The following CLIC4 variants were observed in gnomAD, a reference collection of about 807,000 sequenced individuals.
The protein encoded by CLIC4 is CLIC family member 4.
A neutral mutation model predicts 24.6 loss-of-function variants in CLIC4; 13 were observed. The ratio of observed to expected loss-of-function variants is 0.53; its 90% CI spans 0.34 to 0.84. The LOEUF is 0.84. Ranked by LOEUF, CLIC4 falls within the 40% of genes least tolerant of loss-of-function variation. CLIC4 has a pLI of 0.01. For missense variants in CLIC4, 227 were observed against 301.7 expected (o/e 0.75, Z 1.83); for synonymous variants, 104 against 111.3 (o/e 0.93, Z 0.41).
chr1:24,817,311 C>G (rs74477578), intron 3 of CLIC4, among the ~76,000 whole-genome samples: 4,501 of 151,664 alleles, frequency 0.03, 105 homozygotes, highest in Middle Eastern at 0.054. Context: ...GATAGATCAG[C>G]TAGATCTTCT....
intron 4 of CLIC4, among the ~76,000 whole-genome samples, chr1:24,839,460 C>T (rs918287233): frequency 5.9e-5 from 9 of 152,050 alleles, no homozygotes; most frequent in Non-Finnish European, 1.2e-4. Flanking sequence ...CCACCACGCC[C>T]GGCTAATTTT....
At chr1:24,835,231 G>T (rs1208469781) in intron 4 of CLIC4, among the ~76,000 whole-genome samples, 1 of 152,172 alleles carries the variant, frequency 6.6e-6, no homozygotes, top group African/African-American at 2.4e-5. Flanking sequence ...ACTTAGGTAG[G>T]TAACACATTC....
rs140114470 is a variant in CLIC4 at position 24,785,630 on chromosome 1, G to T, written c.73-12112G>T. ...GCACTTTGGGAGGCCAAGGTGGGCG[G>T]ATCATGAGGTCAGGAGTTTGAGACC... On this transcript the variant is annotated intron_variant, in intron 1 of 5. Transcript: ENST00000374379. Among the ~76,000 whole-genome samples the T allele has an allele frequency of 5.7e-4, 87 of 152,246 alleles. 2 individuals are homozygous for T. The East Asian group carries it at 0.016, about 28-fold the overall frequency.
At chr1:24,751,663 C>A (rs1316139257) in intron 1 of CLIC4, among the ~76,000 whole-genome samples, 2 of 152,060 alleles carry the variant, frequency 1.3e-5, no homozygotes, top group East Asian at 3.9e-4. Context: ...GGGGTTTCTC[C>A]ATCCAGCTTG....
intron 1 of CLIC4, among the ~76,000 whole-genome samples, chr1:24,794,322 C>G (rs1295971853): frequency 6.6e-6 from 1 of 151,420 alleles, no homozygotes; most frequent in Non-Finnish European, 1.5e-5. Flanking sequence ...GTATAGTGTT[C>G]CCTTTTCTCT....
intron 2 of CLIC4, among the ~76,000 whole-genome samples, chr1:24,813,781 C>T (rs996580387): frequency 3.3e-5 from 5 of 151,968 alleles, no homozygotes; most frequent in South Asian, 2.1e-4. Context: ...TGCAGTGGTG[C>T]GATCATGGCT....
intron 2 of CLIC4, among the ~76,000 whole-genome samples, chr1:24,808,180 A>G (rs1639573016): frequency 6.6e-6 from 1 of 152,056 alleles, no homozygotes; most frequent in Non-Finnish European, 1.5e-5. Context: ...TCCTGACCTC[A>G]GCTGATCCGC....
At chr1:24,807,898 G>A (rs1322136620) in intron 2 of CLIC4, among the ~76,000 whole-genome samples, 2 of 151,526 alleles carry the variant, frequency 1.3e-5, no homozygotes, top group African/African-American at 4.8e-5. Flanking sequence ...TTTGGAGTGA[G>A]AAAATTGTTT....
intron 3 of CLIC4, among the ~76,000 whole-genome samples, chr1:24,824,019 C>G (rs1443144617): frequency 6.6e-6 from 1 of 152,140 alleles, no homozygotes; most frequent in African/African-American, 2.4e-5. Flanking sequence ...TATTATTTGC[C>G]TCCCTTTTGC....
At chr1:24,798,791 G>A (rs941031003) in intron 2 of CLIC4, among the ~76,000 whole-genome samples, 2 of 147,172 alleles carry the variant, frequency 1.4e-5, no homozygotes, top group South Asian at 2.4e-4. Context: ...GAGTGCCTGC[G>A]ATTGCAGGCA....
chr1:24,803,164 T>C (rs1387419311), intron 2 of CLIC4, among the ~76,000 whole-genome samples: 2 of 152,242 alleles, frequency 1.3e-5, no homozygotes, highest in Non-Finnish European at 2.9e-5. Flanking sequence ...AACATCCCTG[T>C]AGTACTTTTC....
At chr1:24,817,949 TTAATCAG>T (rs1639687595) in intron 3 of CLIC4, among the ~76,000 whole-genome samples, 1 of 152,168 alleles carries the variant, frequency 6.6e-6, no homozygotes, top group African/African-American at 2.4e-5. Context: ...ACATATGATA[TTAATCAG>T]TTAAGTGTGC....
intron 4 of CLIC4, among the ~76,000 whole-genome samples, chr1:24,838,903 AGAATCATGACAATCT>A (rs1266200489): frequency 1.3e-5 from 2 of 152,228 alleles, no homozygotes; most frequent in East Asian, 1.9e-4. Flanking sequence ...CATGACAATC[AGAATCATGACAATCT>A]GAATCATGAC....
Position 24,759,554 on chromosome 1 carries a change from A to T in CLIC4, c.72+13929A>T, listed in dbSNP as rs531130858. Among the ~76,000 whole-genome samples, 7 of 152,210 alleles carry T rather than the reference A, an allele frequency of 4.6e-5. No individual in the cohort carries two copies. The South Asian group carries it at 1.5e-3, about 32-fold the overall frequency. On this transcript the variant is annotated intron_variant, in intron 1 of 5. Coordinates refer to ENST00000374379, the MANE Select transcript of CLIC4 (RefSeq NM_013943.3). ...TGATTTAAGTGGGAAATTAAATGAG[A>T]TAATTGATTTAGAGATGAGTTAAAT...
intron 1 of CLIC4, among the ~76,000 whole-genome samples, chr1:24,753,065 G>C (rs537265147): frequency 6.6e-6 from 1 of 152,286 alleles, no homozygotes; most frequent in Non-Finnish European, 1.5e-5. Flanking sequence ...AGTAGGATCA[G>C]GGAGTTCTGT....
intron 1 of CLIC4, among the ~76,000 whole-genome samples, chr1:24,760,318 A>T (rs545304385): frequency 2.3e-4 from 35 of 152,228 alleles, no homozygotes; most frequent in Non-Finnish European, 3.7e-4. Flanking sequence ...GTGAGCCTAG[A>T]TTGCACCACT....
At chr1:24,794,145 G>C (rs1639370735) in intron 1 of CLIC4, among the ~76,000 whole-genome samples, 1 of 152,162 alleles carries the variant, frequency 6.6e-6, no homozygotes, top group Admixed American at 6.5e-5. Context: ...GTGCTGCAGT[G>C]AACATACATA....
chr1:24,770,575 T>G (rs1478362148), intron 1 of CLIC4, among the ~76,000 whole-genome samples: 1 of 152,194 alleles, frequency 6.6e-6, no homozygotes, highest in Non-Finnish European at 1.5e-5. Flanking sequence ...ATAAAAAAAT[T>G]ATAAGGAATC....
intron 3 of CLIC4, among the ~76,000 whole-genome samples, chr1:24,821,030 C>G (rs1052823328): frequency 6.6e-6 from 1 of 151,842 alleles, no homozygotes; most frequent in African/African-American, 2.4e-5. Context: ...CAAAAAAATA[C>G]AAAAATTAGC....
Sources: gnomAD v4.1 joint callset for allele counts (sites outside exome capture counted in the v4.1 genomes callset) on GRCh38, gnomAD v4.1.1 for gene constraint, MANE v1.5 for transcripts, NCBI Gene and HGNC (gene_info 2026-07-23, HGNC 2026-07-21) for gene names.